CDH13: variants seen among roughly 807,000 people sequenced by gnomAD.
CDH13 encodes cadherin 13.
A neutral mutation model predicts 63.8 loss-of-function variants in CDH13; 24 were observed. The ratio of observed to expected loss-of-function variants is 0.38; its 90% CI spans 0.27 to 0.53. The LOEUF (loss-of-function observed/expected upper bound fraction) is 0.53, where lower values mean the gene tolerates loss of function less well. CDH13 is among the 20% of genes least tolerant of loss of function. The pLI is 0.85. For missense variants in CDH13, 1,049 were observed against 903.1 expected (o/e 1.16, Z -2.07); for synonymous variants, 503 against 355.3 (o/e 1.42, Z -4.67).
At chr16:83,696,886 G>A (rs557466530) in intron 10 of CDH13, among the ~76,000 whole-genome samples, 1 of 152,198 alleles carries the variant, frequency 6.6e-6, no homozygotes, top group African/African-American at 2.4e-5. Flanking sequence ...AAGCCCTTCA[G>A]TGCCTCCCAT....
At chr16:82,733,130 C>G (rs2033487176) in intron 1 of CDH13, among the ~76,000 whole-genome samples, 1 of 152,134 alleles carries the variant, frequency 6.6e-6, no homozygotes, top group South Asian at 2.1e-4. Flanking sequence ...AGTTTGCTAT[C>G]CAACTGGATG....
rs542842039 is a variant in CDH13 at position 83,366,409 on chromosome 16, C to T, written c.781+21403C>T. 4.6e-5 allele frequency among the ~76,000 whole-genome samples: 7 copies of T among 152,306 alleles called. No homozygotes were observed. The East Asian group carries it at 1.2e-3, about 25-fold the overall frequency. On this transcript the variant is annotated intron_variant, in intron 6 of 13. Coordinates refer to ENST00000567109, the MANE Select transcript of CDH13 (RefSeq NM_001257.5). Reference sequence around the variant, plus strand: ...TCTTTTGAGGAGGTTGCGCTGACTGCATTAAGGAGCTTTACGTGCGAGTCC... The same window carrying T: ...TCTTTTGAGGAGGTTGCGCTGACTGTATTAAGGAGCTTTACGTGCGAGTCC...
At chr16:82,772,224 A>G (rs1314845791) in intron 1 of CDH13, among the ~76,000 whole-genome samples, 1 of 152,158 alleles carries the variant, frequency 6.6e-6, no homozygotes, top group African/African-American at 2.4e-5. Flanking sequence ...ATTACAAATT[A>G]GGGCTCCCTT....
intron 3 of CDH13, among the ~76,000 whole-genome samples, chr16:83,109,638 C>G (rs1269174030): frequency 6.6e-6 from 1 of 152,154 alleles, no homozygotes; most frequent in African/African-American, 2.4e-5. Context: ...GTGCTCACAT[C>G]TGGAATACAT....
chr16:83,063,807 C>T (rs1216344881), intron 3 of CDH13, among the ~76,000 whole-genome samples: 1 of 152,136 alleles, frequency 6.6e-6, no homozygotes, highest in Non-Finnish European at 1.5e-5. Context: ...CTCCAAGGAG[C>T]ATTTGTTCCT....
chr16:83,609,006 G>C (rs1342706356), intron 8 of CDH13, among the ~76,000 whole-genome samples: 1 of 152,070 alleles, frequency 6.6e-6, no homozygotes, highest in African/African-American at 2.4e-5. Flanking sequence ...TTTTCTCTGT[G>C]TCATCAAGAG....
intron 2 of CDH13, among the ~76,000 whole-genome samples, chr16:82,965,622 C>T (rs1042890511): frequency 6.6e-6 from 1 of 152,100 alleles, no homozygotes; most frequent in Non-Finnish European, 1.5e-5. Flanking sequence ...ACCTCTACTT[C>T]CAGGTTCAAG....
At chr16:83,690,040 C>T (rs1904693016) in intron 10 of CDH13, among the ~76,000 whole-genome samples, 1 of 150,262 alleles carries the variant, frequency 6.7e-6, no homozygotes, top group African/African-American at 2.4e-5. Flanking sequence ...ACAAAATTAG[C>T]CGGGCGCCTG....
At chr16:82,933,679 AG>A (rs148243965) in intron 2 of CDH13, among the ~76,000 whole-genome samples, 1,599 of 152,316 alleles carry the variant, frequency 0.01, 20 homozygotes, top group African/African-American at 0.036. Context: ...ATCAAAAGCA[AG>A]TTAGGTACTT....
rs2072243803 is a variant in CDH13 at position 83,434,904 on chromosome 16, CTATTT to C, written c.782-51567_782-51563del. Among the ~76,000 whole-genome samples, 3 of 95,680 alleles carry C rather than the reference CTATTT, an allele frequency of 3.1e-5. 1 individual carries two copies. The highest frequency in any genetic ancestry group is 6.2e-5 in the Non-Finnish European group (3 of 48,018). 62.8% of individuals were successfully genotyped at this position (95,680 alleles called of 152,430 possible). A position where few individuals can be genotyped will look rare whatever the true frequency, so the allele number is the denominator to read the frequency against. ...GTGTATGTGTATTTAAAATAAACCC[CTATTT>C]TATTTATATATATAATATATAAATA... is the stretch of plus-strand genomic sequence containing the variant. On this transcript the variant is annotated intron_variant, in intron 6 of 13. Transcript: ENST00000567109.
intron 1 of CDH13, among the ~76,000 whole-genome samples, chr16:82,783,833 T>G (rs1376509782): frequency 6.6e-6 from 1 of 152,048 alleles, no homozygotes; most frequent in African/African-American, 2.4e-5. Flanking sequence ...AAGGGAATAC[T>G]GGTAATCAGG....
chr16:83,167,105 T>C (rs1597452442), intron 4 of CDH13, among the ~76,000 whole-genome samples: 1 of 152,154 alleles, frequency 6.6e-6, no homozygotes, highest in East Asian at 1.9e-4. Context: ...CGAAGGTTTA[T>C]GAATATTGGC....
intron 5 of CDH13, among the ~76,000 whole-genome samples, chr16:83,222,611 C>T (rs1288797149): frequency 6.6e-6 from 1 of 152,088 alleles, no homozygotes; most frequent in Non-Finnish European, 1.5e-5. Flanking sequence ...GAAAGGACCC[C>T]AGCCCTCACT....
At chr16:82,699,563 C>T (rs928615269) in intron 1 of CDH13, among the ~76,000 whole-genome samples, 2 of 152,208 alleles carry the variant, frequency 1.3e-5, no homozygotes, top group Non-Finnish European at 2.9e-5. Context: ...AAGATTTCCT[C>T]TCCACTAAGA....
intron 2 of CDH13, among the ~76,000 whole-genome samples, chr16:82,996,659 C>T (rs556367183): frequency 6.6e-6 from 1 of 152,204 alleles, no homozygotes; most frequent in East Asian, 1.9e-4. Flanking sequence ...GTAACTGCAA[C>T]TTGGAAATAT....
intron 4 of CDH13, among the ~76,000 whole-genome samples, chr16:83,157,031 C>T (rs886306774): frequency 6.6e-6 from 1 of 152,108 alleles, no homozygotes. Flanking sequence ...TTTTCCAAAT[C>T]AAGGGCAGTA....
intron 6 of CDH13, among the ~76,000 whole-genome samples, chr16:83,357,366 C>A (rs115223980): frequency 0.017 from 2,523 of 152,242 alleles, 72 homozygotes; most frequent in African/African-American, 0.057. Context: ...TTCACATACA[C>A]ACACATGAAA....
intron 1 of CDH13, among the ~76,000 whole-genome samples, chr16:82,791,491 G>A (rs1300355904): frequency 6.6e-6 from 1 of 152,186 alleles, no homozygotes; most frequent in Non-Finnish European, 1.5e-5. Context: ...CCCCCTTTGG[G>A]TCCCCTCCCA....
At chr16:82,863,168 G>T (rs892869349) in intron 2 of CDH13, among the ~76,000 whole-genome samples, 7 of 152,190 alleles carry the variant, frequency 4.6e-5, no homozygotes, top group African/African-American at 1.7e-4. Flanking sequence ...AATAGAGACA[G>T]AAATGGACCA....
Sources: allele counts gnomAD v4.1 joint callset (sites outside exome capture counted in the v4.1 genomes callset), GRCh38; gene constraint gnomAD v4.1.1; transcripts MANE v1.5; gene names NCBI Gene and HGNC (gene_info 2026-07-23, HGNC 2026-07-21).